The following PALS2 variants were observed in gnomAD, a reference collection of about 807,000 sequenced individuals.
PALS2 encodes the protein protein PALS2.
A neutral mutation model predicts 61.6 loss-of-function variants in PALS2; 27 were observed. That is an observed-to-expected ratio of 0.44 (90% CI 0.32 to 0.60). The LOEUF is 0.60. Among genes scored for constraint, PALS2 ranks in the 20% least tolerant of loss-of-function variants. The pLI is 0.05. For synonymous variants in PALS2, 236 were observed against 218.6 expected (o/e 1.08, Z -0.70); for missense variants, 554 against 639.4 (o/e 0.87, Z 1.44).
intron 1 of PALS2, among the ~76,000 whole-genome samples, chr7:24,614,923 A>T (rs1017128826): frequency 7.9e-5 from 12 of 151,986 alleles, no homozygotes; most frequent in East Asian, 3.8e-4. Context: ...AAAAATTTTT[A>T]AAAATCAAAA....
chr7:24,655,986 A>G (rs1221537916), intron 5 of PALS2, among the ~76,000 whole-genome samples: 1 of 152,130 alleles, frequency 6.6e-6, no homozygotes, highest in South Asian at 2.1e-4. Flanking sequence ...GTGTGTGTAC[A>G]TCTGTATTTA....
At chr7:24,640,538 A>G (rs1020224337) in intron 2 of PALS2, among the ~76,000 whole-genome samples, 2 of 152,160 alleles carry the variant, frequency 1.3e-5, no homozygotes, top group Non-Finnish European at 2.9e-5. Context: ...AAGATTTGCT[A>G]TCTTACATGG....
intron 2 of PALS2, among the ~76,000 whole-genome samples, chr7:24,625,104 C>G (rs1784686478): frequency 6.6e-6 from 1 of 152,080 alleles, no homozygotes; most frequent in Non-Finnish European, 1.5e-5. Flanking sequence ...CAGATTCAAA[C>G]TTGTCATAAA....
chr7:24,623,142 T>C (rs1409792153), intron 1 of PALS2, among the ~76,000 whole-genome samples: 1 of 151,802 alleles, frequency 6.6e-6, no homozygotes, highest in East Asian at 1.9e-4. Flanking sequence ...TGTTGTTGGG[T>C]TTAGTATCAG....
intron 9 of PALS2, among the ~76,000 whole-genome samples, chr7:24,669,551 C>T (rs1787196518): frequency 6.6e-6 from 1 of 152,198 alleles, no homozygotes; most frequent in Admixed American, 6.6e-5. Context: ...ACCAAGCCCC[C>T]TTTTAACATG....
intron 1 of PALS2, among the ~76,000 whole-genome samples, chr7:24,605,366 A>G (rs997373974): frequency 1.3e-4 from 20 of 152,294 alleles, no homozygotes; most frequent in Non-Finnish European, 2.5e-4. Flanking sequence ...TGAATCTGCA[A>G]CAACTAAAAG....
At chr7:24,603,826 CAATT>C (rs1783799527) in intron 1 of PALS2, among the ~76,000 whole-genome samples, 2 of 151,630 alleles carry the variant, frequency 1.3e-5, no homozygotes, top group African/African-American at 4.8e-5. Context: ...AAGTCTAGAC[CAATT>C]ATTTAAAAAC....
At chr7:24,615,473 T>C (rs1784263019) in intron 1 of PALS2, among the ~76,000 whole-genome samples, 1 of 152,050 alleles carries the variant, frequency 6.6e-6, no homozygotes, top group Admixed American at 6.5e-5. Flanking sequence ...TGTCAATACA[T>C]TTGAAAATCT....
intron 2 of PALS2, among the ~76,000 whole-genome samples, chr7:24,636,429 G>A (rs959574476): frequency 6.6e-6 from 1 of 152,084 alleles, no homozygotes; most frequent in Non-Finnish European, 1.5e-5. Context: ...GAGTGAAGTT[G>A]TGTGTCTTTT....
chr7:24,669,183 G>A (rs537079824), intron 9 of PALS2, among the ~76,000 whole-genome samples: 9 of 152,294 alleles, frequency 5.9e-5, no homozygotes, highest in African/African-American at 2.2e-4. Context: ...TAAGGTTACA[G>A]AGTCTGATGT....
intron 7 of PALS2, 119 bp from the exon 8 acceptor site, chr7:24,665,900 CTT>C: frequency 1.9e-6 from 2 of 1,071,744 alleles, no homozygotes; most frequent in Admixed American, 4.6e-5. Context: ...CCTCCACCCT[CTT>C]TTGCTTCCTA....
rs532435193 is a variant in PALS2, at chr7:24,638,779, A to G, written c.118-2937A>G. ...CTCCCCTGACCCCCAACCCCTTGCCATTAGTCTTTCCACATTCCTACTTCT... is the reference window on the plus strand; with the variant it reads ...CTCCCCTGACCCCCAACCCCTTGCCGTTAGTCTTTCCACATTCCTACTTCT... On this transcript the variant is annotated intron_variant, in intron 2 of 11. Coordinates refer to ENST00000222644, the MANE Select transcript of PALS2 (RefSeq NM_001303037.2). Among the ~76,000 whole-genome samples, 12 of 152,134 alleles carry G rather than the reference A, an allele frequency of 7.9e-5. No homozygotes were observed. In the South Asian group the frequency reaches 2.3e-3, roughly 29 times the overall value.
Position 24,618,075 on chromosome 7 carries a change from G to A in PALS2, c.-2-5591G>A, listed in dbSNP as rs1784356706. Among the ~76,000 whole-genome samples the A allele has an allele frequency of 2.0e-5, 3 of 152,146 alleles. No individual in the cohort carries two copies. The South Asian group carries it at 6.2e-4, about 31-fold the overall frequency. On this transcript the variant is annotated intron_variant, in intron 1 of 11. Transcript: ENST00000222644. This position sits in a 1 kb window ranked among gnomAD's most constrained non-coding sequence, Gnocchi z 5.1. ...CTTAGGGTGTAGGTGCCAATGTGGAGCCAGTTCAAGGACATCTTCACCAGA... is the reference window on the plus strand; with the variant it reads ...CTTAGGGTGTAGGTGCCAATGTGGAACCAGTTCAAGGACATCTTCACCAGA...
At chr7:24,574,481 G>C (rs1782574183) in intron 1 of PALS2, among the ~76,000 whole-genome samples, 1 of 152,082 alleles carries the variant, frequency 6.6e-6, no homozygotes, top group South Asian at 2.1e-4. Context: ...TGCAGCTCGA[G>C]ATTACATTTG....
intron 2 of PALS2, among the ~76,000 whole-genome samples, chr7:24,633,613 T>A (rs1785105888): frequency 6.6e-6 from 1 of 152,082 alleles, no homozygotes; most frequent in African/African-American, 2.4e-5. Flanking sequence ...CATCATTAAT[T>A]TAGGAAAATT....
At chr7:24,620,632 T>A (rs192398812) in intron 1 of PALS2, among the ~76,000 whole-genome samples, 83 of 152,290 alleles carry the variant, frequency 5.5e-4, no homozygotes, top group South Asian at 1.0e-3. Flanking sequence ...GTACATTTTT[T>A]AAAAATCTTC....
intron 6 of PALS2, among the ~76,000 whole-genome samples, chr7:24,664,118 C>T (rs887080819): frequency 1.3e-5 from 2 of 152,010 alleles, no homozygotes; most frequent in African/African-American, 4.8e-5. Context: ...GTCTCCTCTC[C>T]CTCATGTTCG....
intron 2 of PALS2, among the ~76,000 whole-genome samples, chr7:24,636,846 A>T (rs1785263442): frequency 6.6e-6 from 1 of 152,010 alleles, no homozygotes. Context: ...TTGTGTTTTG[A>T]CCCTAGTTTG....
intron 1 of PALS2, among the ~76,000 whole-genome samples, chr7:24,587,175 T>G (rs1783099423): frequency 6.6e-6 from 1 of 152,154 alleles, no homozygotes; most frequent in African/African-American, 2.4e-5. Flanking sequence ...ACTTCGCTAT[T>G]AATTTGTCAT....
Sources: gnomAD v4.1 joint callset for allele counts (sites outside exome capture counted in the v4.1 genomes callset) on GRCh38, gnomAD v4.1.1 for gene constraint, Gnocchi (gnomAD v3.1) non-coding constraint, MANE v1.5 for transcripts, NCBI Gene and HGNC (gene_info 2026-07-23, HGNC 2026-07-21) for gene names.